Variants in HMGA2 observed in about 807,000 individuals in gnomAD.
HMGA2 encodes high mobility group protein HMGI-C.
In HMGA2, 8 loss-of-function variants were observed where a neutral mutation model predicts 19.1. That is an observed-to-expected ratio of 0.42 (90% CI 0.25 to 0.76). HMGA2 has a LOEUF of 0.76. Ranked by LOEUF, HMGA2 falls within the 30% of genes least tolerant of loss-of-function variation. HMGA2 has a pLI of 0.28. For synonymous variants in HMGA2, 60 were observed against 48.8 expected, an observed-to-expected ratio of 1.23 and a Z score of -0.96; for missense variants, 109 against 136.3, an observed-to-expected ratio of 0.80 and a Z score of 1.00.
At chr12:65,947,165 G>GC (rs2121304543) in intron 3 of HMGA2, among the ~76,000 whole-genome samples, 1 of 151,894 alleles carries the variant, frequency 6.6e-6, no homozygotes, top group South Asian at 2.1e-4. Context: ...CGTCACCCAG[G>GC]CGGGAGTGCA....
chr12:65,847,395 T>C (rs1259790474), intron 3 of HMGA2, among the ~76,000 whole-genome samples: 3 of 152,220 alleles, frequency 2.0e-5, no homozygotes. Flanking sequence ...CTCAATATAA[T>C]TTATGCTTAT....
At chr12:65,914,526 G>T (rs1874992550) in intron 3 of HMGA2, among the ~76,000 whole-genome samples, 1 of 150,500 alleles carries the variant, frequency 6.6e-6, no homozygotes, top group African/African-American at 2.4e-5. Context: ...ATAGCATTGG[G>T]AGAGATACCT....
intron 3 of HMGA2, among the ~76,000 whole-genome samples, chr12:65,903,794 C>T (rs991332981): frequency 6.6e-6 from 1 of 152,166 alleles, no homozygotes; most frequent in Non-Finnish European, 1.5e-5. Flanking sequence ...TATGCCACGT[C>T]TTTTGGCTTT....
intron 3 of HMGA2, among the ~76,000 whole-genome samples, chr12:65,937,214 C>CA (rs1213554064): frequency 7.9e-5 from 12 of 152,132 alleles, no homozygotes; most frequent in African/African-American, 2.9e-4. Context: ...CCAGACATAC[C>CA]AAACTGTGTA....
chr12:65,840,759 T>C (rs143733647), intron 3 of HMGA2, among the ~76,000 whole-genome samples: 1 of 152,330 alleles, frequency 6.6e-6, no homozygotes, highest in African/African-American at 2.4e-5. Context: ...ATCTTTCTAA[T>C]AGGCAACATA....
chr12:65,952,138 A>C (rs757562090), intron 4 of HMGA2: 8 of 470,780 alleles, frequency 1.7e-5, no homozygotes, highest in Non-Finnish European at 2.6e-5. Context: ...AATGTGAGCC[A>C]GTATTAAAGT....
At position 65,825,166 on chromosome 12, in the gene HMGA2, C is replaced by A. The variant is rs1487348267; in HGVS notation, c.-105C>A. 1.2e-5 allele frequency: 12 copies of A among 985,902 alleles called. No individual in the cohort carries two copies. The Admixed American group carries it at 3.2e-4, about 26-fold the overall frequency. The allele number at this position is 985,902 out of a possible 1,614,324, so 61.1% of individuals were successfully genotyped here. The stretch of plus-strand genomic sequence containing the variant: ...AGCCCGCCAGCTCGCGCTCGCCCCG[C>A]CGGCGTCCCCAGCCCTATCACCTCA... On this transcript the variant is annotated 5_prime_UTR_variant, in exon 1 of 5. Coordinates refer to ENST00000403681, the MANE Select transcript of HMGA2 (RefSeq NM_003483.6). The surrounding 1 kb of genome is among the most constrained non-coding windows in gnomAD (Gnocchi z 4.4).
At chr12:65,878,248 T>C (rs1188822467) in intron 3 of HMGA2, among the ~76,000 whole-genome samples, 4 of 152,216 alleles carry the variant, frequency 2.6e-5, no homozygotes, top group East Asian at 1.9e-4. Context: ...ATAAACTTGT[T>C]ATAACATACT....
chr12:65,850,011 G>A (rs2120922288), intron 3 of HMGA2, among the ~76,000 whole-genome samples: 1 of 152,138 alleles, frequency 6.6e-6, no homozygotes, highest in South Asian at 2.1e-4. Context: ...GAGCCACTGT[G>A]CCTAGCCTCT....
chr12:65,881,419 G>C (rs1172528923), intron 3 of HMGA2: 2 of 359,012 alleles, frequency 5.6e-6, no homozygotes, highest in African/African-American at 2.0e-5. Context: ...GGTTAATCAC[G>C]TGCTTGCTGG....
At chr12:65,946,237 T>G (rs545146764) in intron 3 of HMGA2, among the ~76,000 whole-genome samples, 1 of 152,206 alleles carries the variant, frequency 6.6e-6, no homozygotes, top group East Asian at 1.9e-4. Flanking sequence ...GATTATGCTA[T>G]GGCACAGAAG....
Position 65,847,775 on chromosome 12 carries a change from T to C in HMGA2, c.249+9206T>C, listed in dbSNP as rs551142713. On this transcript the variant is annotated intron_variant, in intron 3 of 4. Coordinates refer to ENST00000403681, the MANE Select transcript of HMGA2 (RefSeq NM_003483.6). ...GTGTCAAGCTCTCAATAGGTCATAA[T>C]TGTTGATGTTAGTACAGTCTCAGGC... Among the ~76,000 whole-genome samples, 18 of 152,326 alleles carry C rather than the reference T, an allele frequency of 1.2e-4. No homozygotes were observed. In the South Asian group the frequency reaches 3.5e-3, roughly 30 times the overall value.
At chr12:65,913,860 C>T (rs551053419) in intron 3 of HMGA2, among the ~76,000 whole-genome samples, 1 of 152,326 alleles carries the variant, frequency 6.6e-6, no homozygotes, top group East Asian at 1.9e-4. Context: ...GTTACCCTTG[C>T]TCTTCCCTTT....
rs1185816332 is a variant in HMGA2 at position 65,965,262 on chromosome 12, A to G, written c.*1970A>G. On this transcript the variant is annotated 3_prime_UTR_variant, in exon 5 of 5. Transcript: ENST00000403681. ...TTGAATATAAGAAAATGCTTGACAA[A>G]TATTTTCATGTATTTTACACAAATG... 1 of 203,446 alleles carries G rather than the reference A, an allele frequency of 4.9e-6. No individual in the cohort carries two copies. The highest frequency in any genetic ancestry group is 1.0e-5 in the Non-Finnish European group (1 of 98,846). The allele number at this position is 203,446 out of a possible 1,614,324, so 12.6% of individuals were successfully genotyped here. A position where few individuals can be genotyped will look rare whatever the true frequency, so the allele number is the denominator to read the frequency against.
intron 3 of HMGA2, among the ~76,000 whole-genome samples, chr12:65,932,765 T>C (rs552706810): frequency 1.3e-5 from 2 of 152,146 alleles, no homozygotes; most frequent in Non-Finnish European, 2.9e-5. Flanking sequence ...TCTCTAGAAA[T>C]TGGAGGGAAA....
intron 3 of HMGA2, among the ~76,000 whole-genome samples, chr12:65,855,062 T>C (rs1871662232): frequency 6.6e-6 from 1 of 152,120 alleles, no homozygotes; most frequent in Non-Finnish European, 1.5e-5. Context: ...GGCCTGGGAG[T>C]GTAACACACC....
chr12:65,858,429 T>C (rs1284739916), intron 3 of HMGA2: 1 of 152,136 alleles, frequency 6.6e-6, no homozygotes, highest in African/African-American at 2.4e-5. Flanking sequence ...GTTATCAACT[T>C]CAAATAATAG....
chr12:65,948,566 A>T (rs1288007491), intron 3 of HMGA2: 1 of 152,254 alleles, frequency 6.6e-6, no homozygotes, highest in Non-Finnish European at 1.5e-5. Context: ...ACAAAACAAA[A>T]TAACAACAAC....
At chr12:65,944,825 A>T (rs1366503373) in intron 3 of HMGA2, among the ~76,000 whole-genome samples, 1 of 152,136 alleles carries the variant, frequency 6.6e-6, no homozygotes, top group Non-Finnish European at 1.5e-5. Flanking sequence ...TATCCTGGTG[A>T]TACAGGTCTG....
Sources: allele counts gnomAD v4.1 joint callset (sites outside exome capture counted in the v4.1 genomes callset), GRCh38; gene constraint gnomAD v4.1.1; non-coding constraint Gnocchi (gnomAD v3.1); transcripts MANE v1.5; gene names NCBI Gene and HGNC (gene_info 2026-07-23, HGNC 2026-07-21).